PEAR1: variants seen among roughly 807,000 people sequenced by gnomAD.
The protein encoded by PEAR1 is platelet endothelial aggregation receptor 1.
In PEAR1, 113 loss-of-function variants were observed where a neutral mutation model predicts 131.2. That is an observed-to-expected ratio of 0.86 (90% confidence interval 0.74 to 1.01). The LOEUF is 1.01. PEAR1 is among the 50% of genes least tolerant of loss of function. The pLI is 0.00. For missense variants in PEAR1, 1,408 were observed against 1,391.1 expected, an observed-to-expected ratio of 1.01 and a Z score of -0.19; for synonymous variants, 565 against 523.3, an observed-to-expected ratio of 1.08 and a Z score of -1.09.
Position 156,914,642 on chromosome 1 carries a change from T to C in PEAR1, c.2963-5T>C, listed in dbSNP as rs1227453329. 1 of 1,609,504 alleles carries C rather than the reference T, an allele frequency of 6.2e-7. No homozygotes were observed. Among genetic ancestry groups the C allele is most frequent in the Non-Finnish European group, 8.5e-7 (1 of 1,177,600 alleles). On this transcript the variant is annotated splice_region_variant and splice_polypyrimidine_tract_variant and intron_variant, in intron 22 of 22. Transcript: ENST00000292357. ...CTCCCTCTTATCTTGTCCTCATGTT[T>C]CCAGACCGAGACTCTGTGGGCTCCC...
Position 156,914,802 on chromosome 1 carries a change from G to A in PEAR1, c.*4G>A, listed in dbSNP as rs866542781. 5 of 1,613,618 alleles carry A rather than the reference G, an allele frequency of 3.1e-6. No homozygotes were observed. In the South Asian group the frequency reaches 5.5e-5, roughly 18 times the overall value. On this transcript the variant is annotated 3_prime_UTR_variant, in exon 23 of 23. Coordinates refer to ENST00000292357, the MANE Select transcript of PEAR1 (RefSeq NM_001080471.3). ...ACTTCGACGCCAGGACCGTTGAGGA[G>A]CCAGGATGGTATGGCAGAGGCCAGC...
intron 1 of PEAR1, among the ~76,000 whole-genome samples, chr1:156,894,394 C>T (rs375341709): frequency 2.6e-5 from 4 of 152,292 alleles, no homozygotes; most frequent in African/African-American, 9.6e-5. Flanking sequence ...TGAGCAAAAA[C>T]GTGTCTCCTG....
intron 1 of PEAR1, among the ~76,000 whole-genome samples, 191 bp from the exon 2 acceptor site, chr1:156,903,727 G>A (rs1186385599): frequency 1.3e-5 from 2 of 152,210 alleles, no homozygotes; most frequent in Non-Finnish European, 2.9e-5. Context: ...TATGAGCAAA[G>A]ACCGGAGGCG....
chr1:156,899,981 TC>T (rs1277130905), intron 1 of PEAR1, among the ~76,000 whole-genome samples: 3 of 151,852 alleles, frequency 2.0e-5, no homozygotes, highest in Non-Finnish European at 4.4e-5. Flanking sequence ...GGAACTCTAA[TC>T]CCCCCCACCC....
In PEAR1 at chr1:156,906,339, C is replaced by T. The variant is rs767501372; in HGVS notation, c.371C>T (p.Pro124Leu). The change falls in exon 5 of 23, where the codon CCA (proline) becomes CTA (leucine). Residue 124 changes from proline (P) to leucine (L), a missense_variant. By Grantham distance (98) the Pro-to-Leu change is moderately conservative (BLOSUM62 -3). Coordinates refer to ENST00000292357, the MANE Select transcript of PEAR1 (RefSeq NM_001080471.3). Reference protein sequence around the residue: ...CVAPNQCQCVPGWRGDDCSSE... With the variant: ...CVAPNQCQCVLGWRGDDCSSE... ...GCACCCAATCAGTGCCAATGTGTGC[C>T]AGGCTGGCGGGGCGACGACTGTTCC... is the stretch of plus-strand genomic sequence containing the variant. 6.2e-7 allele frequency: 1 copy of T among 1,614,094 alleles called. No individual in the cohort carries two copies. Among genetic ancestry groups the T allele is most frequent in the Non-Finnish European group, 8.5e-7 (1 of 1,180,042 alleles).
At chr1:156,912,718 C>T (rs1010346647) in intron 17 of PEAR1, 52 bp from the exon 18 acceptor site, 89 of 1,612,340 alleles carry the variant, frequency 5.5e-5, no homozygotes, top group Non-Finnish European at 7.3e-5. Flanking sequence ...AGCACCTCTC[C>T]CATGCAGCAG....
At chr1:156,898,796 G>A (rs146705658) in intron 1 of PEAR1, among the ~76,000 whole-genome samples, 29 of 152,304 alleles carry the variant, frequency 1.9e-4, no homozygotes, top group African/African-American at 6.5e-4. Context: ...CTTCCACTCT[G>A]TCCTTGAAAG....
chr1:156,906,915 C>T lies in PEAR1; in HGVS notation c.644+35C>T, dbSNP rs373344116. The T allele has an allele frequency of 1.3e-4, 201 of 1,599,470 alleles. 2 individuals are homozygous for T. In the South Asian group the frequency reaches 2.1e-3, roughly 17 times the overall value. ...GGGGGGAACGACACTTTAACAAGAT[C>T]GCAGACACAAGGCCACACAGATCTA... On this transcript the variant is annotated intron_variant, in intron 6 of 22. Coordinates refer to ENST00000292357, the MANE Select transcript of PEAR1 (RefSeq NM_001080471.3).
At position 156,905,662 on chromosome 1, in the gene PEAR1, T is replaced by C. The variant is rs554680080; in HGVS notation, c.307+238T>C. 2.6e-5 allele frequency among the ~76,000 whole-genome samples: 4 copies of C among 152,088 alleles called. No individual in the cohort carries two copies. In the East Asian group the frequency reaches 7.7e-4, roughly 29 times the overall value. The stretch of plus-strand genomic sequence containing the variant: ...CCCCATGTGTCTCCCACCCCATCTC[T>C]CCATGTCCCTCAACAGTGTCTCTGC... On this transcript the variant is annotated intron_variant, in intron 4 of 22. Transcript: ENST00000292357.
Position 156,908,152 on chromosome 1 carries a change from C to T in PEAR1, c.927C>T (p.Gly309=). 6.3e-7 allele frequency: 1 copy of T among 1,598,010 alleles called. No homozygotes were observed. The highest frequency in any genetic ancestry group is 1.3e-5 in the African/African-American group (1 of 74,854). ...GGTGCCGGGAGGAGTGCCCGGTGGGCCGCTTTGGGCAGGACTGTGCTGAGA... is the reference window on the plus strand; with the variant it reads ...GGTGCCGGGAGGAGTGCCCGGTGGGTCGCTTTGGGCAGGACTGTGCTGAGA... ...GDRCREECPV[G]RFGQDCAETC... Residue 309 remains glycine, a synonymous_variant, in exon 9 of 23, where the codon GGC becomes GGT. Transcript: ENST00000292357. The surrounding 1 kb of genome is among the most constrained non-coding windows in gnomAD (Gnocchi z 4.2).
chr1:156,904,636 A>G lies in PEAR1; in HGVS notation c.102-112A>G, dbSNP rs147864531. ...CATCCTAGGCTACGAGAGCAGCCCC[A>G]GCGTTGGGCTGTGGATTCCCCACTG... On this transcript the variant is annotated intron_variant, in intron 2 of 22. Coordinates refer to ENST00000292357, the MANE Select transcript of PEAR1 (RefSeq NM_001080471.3). The G allele has an allele frequency of 7.5e-4, 800 of 1,072,730 alleles. 7 individuals are homozygous for G. In the East Asian group the frequency reaches 0.015, roughly 20 times the overall value. 66.5% of individuals were successfully genotyped at this position (1,072,730 alleles called of 1,614,324 possible). A position where few individuals can be genotyped will look rare whatever the true frequency, so the allele number is the denominator to read the frequency against.
chr1:156,904,311 G>A (rs962164472), intron 2 of PEAR1, among the ~76,000 whole-genome samples: 5 of 152,192 alleles, frequency 3.3e-5, no homozygotes, highest in African/African-American at 4.8e-5. Flanking sequence ...AGCGCAGAGT[G>A]GGAGCCATTC....
chr1:156,906,917 C>CA (rs778955867), intron 6 of PEAR1, 37 bp downstream of exon 6: 1 of 1,596,974 alleles, frequency 6.3e-7, no homozygotes, highest in Non-Finnish European at 8.5e-7. Context: ...AACAAGATCG[C>CA]AGACACAAGG....
chr1:156,912,177 G>A, intron 15 of PEAR1, 70 bp from the exon 16 acceptor site: 5 of 1,540,626 alleles, frequency 3.2e-6, no homozygotes, highest in Non-Finnish European at 4.4e-6. Context: ...CTTCAGTGAT[G>A]CTGGGGGCTG....
chr1:156,912,965 C>G lies in PEAR1; in HGVS notation c.2405C>G (p.Ser802Cys), dbSNP rs41299597. The change falls in exon 18 of 23, where the codon TCC becomes TGC. Residue 802 changes from serine to cysteine, a missense_variant. Ser to Cys is a moderately radical substitution (Grantham distance 112). Coordinates refer to ENST00000292357, the MANE Select transcript of PEAR1 (RefSeq NM_001080471.3). ...VAYSSGRLDGSEYVMPDVPPS... is the reference protein window; with the variant it reads ...VAYSSGRLDGCEYVMPDVPPS... ...TACAGCAGCGGGCGCCTGGACGGCT[C>G]CGAGTATGTCATGCCAGGTGAGCTG... 31,877 of 1,614,078 alleles carry G rather than the reference C, an allele frequency of 0.02. 399 individuals are homozygous for G. The highest frequency in any genetic ancestry group is 0.023 in the Non-Finnish European group (27,001 of 1,180,012).
Position 156,909,759 on chromosome 1 carries a change from C to T in PEAR1, c.1420C>T (p.Arg474Cys), listed in dbSNP as rs777534754. The change falls in exon 12 of 23, where the codon CGT (arginine) becomes TGT (cysteine). Residue 474 changes from arginine (R) to cysteine (C), a missense_variant. Arg to Cys is a radical substitution (Grantham distance 180, BLOSUM62 -3). Transcript: ENST00000292357. ...CCAGGCCCCTCCTCCAGGTTGGCAG[C>T]GTGGTAACTGCTCTGTGCCCTGCCC... is the stretch of plus-strand genomic sequence containing the variant. ...GECVCKEGWQRGNCSVPCPPG... is the reference protein window; with the variant it reads ...GECVCKEGWQCGNCSVPCPPG... 31 of 1,602,070 alleles carry T rather than the reference C, an allele frequency of 1.9e-5. No homozygotes were observed. The highest frequency in any genetic ancestry group is 4.0e-5 in the African/African-American group (3 of 74,672).
intron 21 of PEAR1, 31 bp from the exon 22 acceptor site, chr1:156,913,821 A>G (rs763449654): frequency 2.1e-5 from 34 of 1,610,856 alleles, no homozygotes; most frequent in South Asian, 1.7e-4. Context: ...CAGTGCCTCC[A>G]TGCGGCCTGA....
intron 15 of PEAR1, among the ~76,000 whole-genome samples, chr1:156,911,097 T>TCTTTCTTTC (rs1553269283): frequency 2.0e-5 from 2 of 101,744 alleles, no homozygotes; most frequent in Admixed American, 1.9e-4. Context: ...TTCTTTCCTT[T>TCTTTCTTTC]CTTTCTTTCT....
rs1651281363 is a variant in PEAR1, at chr1:156,912,173, T to A, written c.1952-74T>A. On this transcript the variant is annotated intron_variant, in intron 15 of 22. Transcript: ENST00000292357. ...ACCAAAGCTGAGCTAAAGGCTTCAG[T>A]GATGCTGGGGGCTGAGAGTTCATCC... 20 of 1,532,114 alleles carry A rather than the reference T, an allele frequency of 1.3e-5. No homozygotes were observed. The South Asian group carries it at 2.5e-4, about 19-fold the overall frequency. 94.9% of individuals were successfully genotyped at this position (1,532,114 alleles called of 1,614,324 possible).
Sources: allele counts gnomAD v4.1 joint callset (sites outside exome capture counted in the v4.1 genomes callset), GRCh38; gene constraint gnomAD v4.1.1; non-coding constraint Gnocchi (gnomAD v3.1); transcripts MANE v1.5; gene names NCBI Gene and HGNC (gene_info 2026-07-23, HGNC 2026-07-21).